The following FBXO33 variants were observed in gnomAD, a reference collection of about 807,000 sequenced individuals.
FBXO33 encodes the protein F-box only protein 33.
Under a neutral mutation model 46.3 loss-of-function variants are expected in FBXO33, and 22 were observed. The ratio of observed to expected loss-of-function variants is 0.48; its 90% CI spans 0.34 to 0.68. The LOEUF is 0.68. Among genes scored for constraint, FBXO33 ranks in the 30% least tolerant of loss-of-function variants. The probability of loss-of-function intolerance (pLI) is 0.01; values close to 1 mark genes in which losing one functional copy is unlikely to be tolerated. For synonymous variants in FBXO33, 337 were observed against 291.3 expected (o/e 1.16, Z -1.60); for missense variants, 692 against 708.8 (o/e 0.98, Z 0.27).
rs2075355242 is a variant in FBXO33, at chr14:39,398,740, CTG to C, written c.*774_*775del. On this transcript the variant is annotated 3_prime_UTR_variant, in exon 4 of 4. Coordinates refer to ENST00000298097, the MANE Select transcript of FBXO33 (RefSeq NM_203301.4). ...TTTGCAAGCATGTGTATTTACAACTCTGTGTTTTTATTTCCTTTAGGAGATTT... is the reference window on the plus strand; with the variant it reads ...TTTGCAAGCATGTGTATTTACAACTCTGTTTTTATTTCCTTTAGGAGATTT... The C allele has an allele frequency of 3.3e-5, 5 of 152,718 alleles. No homozygotes were observed. Among genetic ancestry groups the C allele is most frequent in the African/African-American group, 9.6e-5 (4 of 41,564 alleles). The allele number at this position is 152,718 out of a possible 1,614,324, so 9.5% of individuals were successfully genotyped here. A position where few individuals can be genotyped will look rare whatever the true frequency, so the allele number is the denominator to read the frequency against.
chr14:39,430,404 A>C (rs1412014448), intron 1 of FBXO33, among the ~76,000 whole-genome samples: 1 of 152,230 alleles, frequency 6.6e-6, no homozygotes, highest in Non-Finnish European at 1.5e-5. Flanking sequence ...ATCTATATAT[A>C]TCTCCTAGCA....
At chr14:39,422,700 C>G (rs2415548) in intron 1 of FBXO33, among the ~76,000 whole-genome samples, 143,617 of 152,358 alleles carry the variant, frequency 0.94, 67,750 homozygotes, top group African/African-American at 0.96. Context: ...TGACATAAGA[C>G]AATATCTTTT....
chr14:39,415,009 G>A (rs2075440811), intron 1 of FBXO33, among the ~76,000 whole-genome samples: 1 of 152,140 alleles, frequency 6.6e-6, no homozygotes, highest in African/African-American at 2.4e-5. Flanking sequence ...AATGGGGGAA[G>A]GGCTGGTCCG....
intron 1 of FBXO33, among the ~76,000 whole-genome samples, chr14:39,402,988 C>A (rs981259781): frequency 2.0e-5 from 3 of 152,050 alleles, no homozygotes; most frequent in Non-Finnish European, 4.4e-5. Flanking sequence ...TTTATAATGA[C>A]CATGGAAAAG....
At chr14:39,418,269 T>C (rs1312048992) in intron 1 of FBXO33, among the ~76,000 whole-genome samples, 4 of 150,574 alleles carry the variant, frequency 2.7e-5, no homozygotes, top group Non-Finnish European at 5.9e-5. Flanking sequence ...TTCAACGTGT[T>C]AGCCAGGATG....
intron 1 of FBXO33, among the ~76,000 whole-genome samples, chr14:39,428,625 T>C (rs943073395): frequency 3.3e-5 from 5 of 152,320 alleles, no homozygotes; most frequent in African/African-American, 1.2e-4. Flanking sequence ...ACAATGTGCC[T>C]ATGGCTACTC....
intron 1 of FBXO33, 98 bp downstream of exon 1, chr14:39,431,466 A>G (rs1477574870): frequency 3.2e-6 from 5 of 1,567,450 alleles, no homozygotes; most frequent in Non-Finnish European, 4.3e-6. Flanking sequence ...GCAACACTGA[A>G]GTTGGCCGGG....
rs2075351722 is a variant in FBXO33, at chr14:39,398,174, C to T, written c.*1342G>A. The T allele has an allele frequency of 6.6e-6, 1 of 152,664 alleles. No individual in the cohort carries two copies. The highest frequency in any genetic ancestry group is 1.5e-5 in the Non-Finnish European group (1 of 68,044). The allele number at this position is 152,664 out of a possible 1,614,324, so 9.5% of individuals were successfully genotyped here. A position where few individuals can be genotyped will look rare whatever the true frequency, so the allele number is the denominator to read the frequency against. ...CACTGCTGGGCACCCAGGTTGGCTA[C>T]TTACTTTATTATTGCAGACTGTCCT... is the stretch of plus-strand genomic sequence containing the variant. On this transcript the variant is annotated 3_prime_UTR_variant, in exon 4 of 4. Transcript: ENST00000298097.
chr14:39,401,272 T>A lies in FBXO33; in HGVS notation c.1300A>T (p.Thr434Ser), dbSNP rs2075367317. 3 of 1,614,028 alleles carry A rather than the reference T, an allele frequency of 1.9e-6. No homozygotes were observed. In the South Asian group the frequency reaches 3.3e-5, roughly 18 times the overall value. The change falls in exon 3 of 4, where the codon ACA (threonine) becomes TCA (serine). Residue 434 changes from threonine (T) to serine (S), a missense_variant. Physicochemically the swap from Thr to Ser is moderately conservative, Grantham distance 58. Coordinates refer to ENST00000298097, the MANE Select transcript of FBXO33 (RefSeq NM_203301.4). ...TCACTAAGATCTGGAAAACCAGATG[T>A]GTCAATCACATCATTCATTAAAATA... ...HFILMNDVID[T>S]SGFPDLSDNR... is the part of the protein sequence containing the mutation.
chr14:39,399,894 T>C lies in FBXO33; in HGVS notation c.1397-107A>G, dbSNP rs534914775. The C allele has an allele frequency of 3.3e-6, 4 of 1,211,124 alleles. No homozygotes were observed. The East Asian group carries it at 7.7e-5, about 23-fold the overall frequency. The allele number at this position is 1,211,124 out of a possible 1,614,324, so 75.0% of individuals were successfully genotyped here. On this transcript the variant is annotated intron_variant, in intron 3 of 3. Coordinates refer to ENST00000298097, the MANE Select transcript of FBXO33 (RefSeq NM_203301.4). Reference sequence around the variant, plus strand: ...AGCTTCTAGAGAAGCTTCAAATTTGTATCTCACTTACCGTTTTGGTCTTTT... The same window carrying C: ...AGCTTCTAGAGAAGCTTCAAATTTGCATCTCACTTACCGTTTTGGTCTTTT...
chr14:39,408,515 T>C (rs2075408654), intron 1 of FBXO33, among the ~76,000 whole-genome samples: 1 of 151,894 alleles, frequency 6.6e-6, no homozygotes, highest in African/African-American at 2.4e-5. Context: ...TAACTTCCAT[T>C]TCTCTTTGTT....
chr14:39,402,365 T>C, intron 2 of FBXO33, 36 bp downstream of exon 2: 2 of 1,136,966 alleles, frequency 1.8e-6, no homozygotes, highest in Non-Finnish European at 2.5e-6. Context: ...ATATTATTAA[T>C]AGTACAACCT....
chr14:39,407,662 T>C (rs777359774), intron 1 of FBXO33, among the ~76,000 whole-genome samples: 3 of 152,242 alleles, frequency 2.0e-5, no homozygotes, highest in Non-Finnish European at 4.4e-5. Context: ...TATTATTCCA[T>C]TGCATGTCTA....
At chr14:39,427,610 T>C (rs4902637) in intron 1 of FBXO33, among the ~76,000 whole-genome samples, 40,765 of 151,898 alleles carry the variant, frequency 0.27, 5,718 homozygotes, top group East Asian at 0.51. Flanking sequence ...TAGGTAGTAA[T>C]CTGAAATGTC....
At chr14:39,417,447 G>T (rs1374340381) in intron 1 of FBXO33, among the ~76,000 whole-genome samples, 1 of 152,154 alleles carries the variant, frequency 6.6e-6, no homozygotes, top group Non-Finnish European at 1.5e-5. Flanking sequence ...TACCTATCAT[G>T]GTTTCTCAGT....
intron 1 of FBXO33, among the ~76,000 whole-genome samples, chr14:39,411,294 A>G (rs1398996976): frequency 2.6e-5 from 4 of 151,728 alleles, no homozygotes; most frequent in African/African-American, 9.7e-5. Context: ...GGGTTTCACT[A>G]TGTTGGCCTG....
chr14:39,409,744 ATTTCT>A (rs577392868), intron 1 of FBXO33, among the ~76,000 whole-genome samples: 3 of 152,158 alleles, frequency 2.0e-5, no homozygotes, highest in East Asian at 1.9e-4. Context: ...ATCTGCTTTA[ATTTCT>A]TTTATCAGTA....
At chr14:39,408,817 C>T (rs2075410126) in intron 1 of FBXO33, among the ~76,000 whole-genome samples, 1 of 151,652 alleles carries the variant, frequency 6.6e-6, no homozygotes, top group Non-Finnish European at 1.5e-5. Context: ...CTGCTGTTTC[C>T]CAGCATGGAA....
At chr14:39,430,480 C>T (rs146715255) in intron 1 of FBXO33, among the ~76,000 whole-genome samples, 12 of 152,258 alleles carry the variant, frequency 7.9e-5, no homozygotes, top group East Asian at 1.9e-4. Context: ...CAAAAGGACA[C>T]GCTTTCGGAG....
Sources: gnomAD v4.1 joint callset for allele counts (sites outside exome capture counted in the v4.1 genomes callset) on GRCh38, gnomAD v4.1.1 for gene constraint, MANE v1.5 for transcripts, NCBI Gene and HGNC (gene_info 2026-07-23, HGNC 2026-07-21) for gene names.